AGBL4: variants seen among roughly 807,000 people sequenced by gnomAD.
AGBL4 encodes the protein cytosolic carboxypeptidase 6.
AGBL4 carries 58 observed loss-of-function variants against 66.4 expected under a neutral mutation model. The ratio of observed to expected loss-of-function variants is 0.87; its 90% confidence interval spans 0.71 to 1.09. The LOEUF (loss-of-function observed/expected upper bound fraction) is 1.09, where lower values mean the gene tolerates loss of function less well. AGBL4 is among the 50% of genes least tolerant of loss of function. The pLI, the probability that AGBL4 is intolerant of heterozygous loss-of-function variation, is 0.00. For missense variants in AGBL4, 579 were observed against 631.0 expected (o/e 0.92, Z 0.88); for synonymous variants, 234 against 222.9 (o/e 1.05, Z -0.44).
chr1:49,960,694 C>T (rs1443855880), intron 1 of AGBL4, among the ~76,000 whole-genome samples: 4 of 151,932 alleles, frequency 2.6e-5, no homozygotes, highest in Non-Finnish European at 2.9e-5. Context: ...AATCACTTGC[C>T]AATTTAAAAT....
chr1:49,024,042 C>T (rs1330396892), intron 5 of AGBL4, among the ~76,000 whole-genome samples: 1 of 151,944 alleles, frequency 6.6e-6, no homozygotes, highest in East Asian at 1.9e-4. Flanking sequence ...CTGCAGCTGA[C>T]CAAGATATAG....
intron 1 of AGBL4, among the ~76,000 whole-genome samples, chr1:50,012,165 CAAAAAAAAAAAA>C (rs34501869): frequency 1.7e-4 from 8 of 47,776 alleles, no homozygotes; most frequent in African/African-American, 5.8e-4. Flanking sequence ...GACTCCGTCT[CAAAAAAAAAAAA>C]AAAAAAAAAG....
chr1:49,296,549 T>A (rs1364251561), intron 3 of AGBL4, among the ~76,000 whole-genome samples: 1 of 152,216 alleles, frequency 6.6e-6, no homozygotes, highest in Non-Finnish European at 1.5e-5. Context: ...AAATGATTTT[T>A]AAGGTCTCTA....
At chr1:49,875,998 G>A (rs1041321161) in intron 1 of AGBL4, among the ~76,000 whole-genome samples, 37 of 146,038 alleles carry the variant, frequency 2.5e-4, no homozygotes, top group African/African-American at 9.1e-4. Flanking sequence ...ACTTTTTGAT[G>A]GGGTTGTTTG....
At chr1:49,073,267 T>C (rs530185295) in intron 4 of AGBL4, among the ~76,000 whole-genome samples, 128 of 152,308 alleles carry the variant, frequency 8.4e-4, no homozygotes, top group Middle Eastern at 3.4e-3. Context: ...AAACTCATTC[T>C]TCGTACAGTT....
chr1:48,716,016 T>C (rs1248823503), intron 6 of AGBL4, among the ~76,000 whole-genome samples: 1 of 152,200 alleles, frequency 6.6e-6, no homozygotes, highest in Non-Finnish European at 1.5e-5. Flanking sequence ...GCAACAGCCA[T>C]GATTTGCTTC....
At chr1:49,694,225 G>A (rs954959384) in intron 3 of AGBL4, among the ~76,000 whole-genome samples, 11 of 151,852 alleles carry the variant, frequency 7.2e-5, no homozygotes, top group Middle Eastern at 3.4e-3. Context: ...TCATTTTAAC[G>A]GAAATTTGAG....
intron 1 of AGBL4, among the ~76,000 whole-genome samples, chr1:49,938,825 C>T (rs1654407546): frequency 2.6e-5 from 4 of 151,498 alleles, no homozygotes; most frequent in African/African-American, 7.2e-5. Context: ...TCAATAAATT[C>T]AACATAGTGT....
At chr1:49,336,756 A>G (rs1277268785) in intron 3 of AGBL4, among the ~76,000 whole-genome samples, 1 of 152,196 alleles carries the variant, frequency 6.6e-6, no homozygotes, top group Non-Finnish European at 1.5e-5. Flanking sequence ...CTTCTATTAG[A>G]AAGTAAGATT....
intron 3 of AGBL4, among the ~76,000 whole-genome samples, chr1:49,319,726 C>T (rs1645099293): frequency 6.6e-6 from 1 of 152,106 alleles, no homozygotes; most frequent in Middle Eastern, 3.2e-3. Flanking sequence ...TATTGGCTCA[C>T]AGTTCAAATC....
rs561995899 is a variant in AGBL4 at position 49,177,872 on chromosome 1, T to C, written c.377+67898A>G. Among the ~76,000 whole-genome samples, 5 of 152,202 alleles carry C rather than the reference T, an allele frequency of 3.3e-5. No individual in the cohort carries two copies. The South Asian group carries it at 6.2e-4, about 19-fold the overall frequency. On this transcript the variant is annotated intron_variant, in intron 4 of 13. Coordinates refer to ENST00000371839, the MANE Select transcript of AGBL4 (RefSeq NM_032785.4). ...GGGAACCCAGGAAACAAGATGAGAATTAATGTCAACTGGAATACCAATTTT... is the reference window on the plus strand; with the variant it reads ...GGGAACCCAGGAAACAAGATGAGAACTAATGTCAACTGGAATACCAATTTT...
chr1:49,735,998 G>GA (rs538607278), intron 2 of AGBL4, among the ~76,000 whole-genome samples: 2 of 150,266 alleles, frequency 1.3e-5, no homozygotes, highest in African/African-American at 2.4e-5. Flanking sequence ...TAGCAACAGA[G>GA]AAAAAAAATG....
chr1:49,284,806 T>C (rs1644365605), intron 3 of AGBL4, among the ~76,000 whole-genome samples: 1 of 150,798 alleles, frequency 6.6e-6, no homozygotes, highest in African/African-American at 2.4e-5. Context: ...AGGGATCAAT[T>C]CAACAAGAAG....
intron 6 of AGBL4, among the ~76,000 whole-genome samples, chr1:48,665,250 C>T (rs1423068238): frequency 1.3e-5 from 2 of 152,118 alleles, no homozygotes; most frequent in Admixed American, 6.5e-5. Flanking sequence ...GGCTCACCTG[C>T]CCTGAAGTTT....
intron 3 of AGBL4, among the ~76,000 whole-genome samples, chr1:49,387,482 G>A (rs1644759133): frequency 6.6e-6 from 1 of 151,656 alleles, no homozygotes; most frequent in Admixed American, 6.6e-5. Flanking sequence ...CAGCCTGTCA[G>A]CTTATAGACT....
intron 3 of AGBL4, among the ~76,000 whole-genome samples, chr1:49,292,713 A>G (rs1644566393): frequency 6.6e-6 from 1 of 152,016 alleles, no homozygotes; most frequent in African/African-American, 2.4e-5. Flanking sequence ...TGCAGAGAGG[A>G]GCTACCCACT....
chr1:49,115,766 TC>T (rs908232645), intron 4 of AGBL4, among the ~76,000 whole-genome samples: 12 of 150,998 alleles, frequency 7.9e-5, no homozygotes, highest in Admixed American at 2.6e-4. Flanking sequence ...AAGATACAAA[TC>T]CCCCCCCATT....
intron 6 of AGBL4, among the ~76,000 whole-genome samples, chr1:48,843,616 T>C (rs1471266335): frequency 6.6e-6 from 1 of 152,088 alleles, no homozygotes; most frequent in African/African-American, 2.4e-5. Context: ...TATTGCAACA[T>C]ACACACACAT....
intron 5 of AGBL4, among the ~76,000 whole-genome samples, chr1:48,962,124 T>TCCAC (rs1658048115): frequency 6.7e-6 from 1 of 149,602 alleles, no homozygotes. Flanking sequence ...CATCCATCCA[T>TCCAC]CCGTCCATCC....
Sources: allele counts gnomAD v4.1 joint callset (sites outside exome capture counted in the v4.1 genomes callset), GRCh38; gene constraint gnomAD v4.1.1; transcripts MANE v1.5; gene names NCBI Gene and HGNC (gene_info 2026-07-23, HGNC 2026-07-21).